Variants in CDH23 observed in about 807,000 individuals in gnomAD.
CDH23 encodes cadherin-23.
A neutral mutation model predicts 317.1 loss-of-function variants in CDH23; 189 were observed. That is an observed-to-expected ratio of 0.60 (90% CI 0.53 to 0.67). The LOEUF (loss-of-function observed/expected upper bound fraction) is 0.67, where lower values mean the gene tolerates loss of function less well. CDH23 is among the 30% of genes least tolerant of loss of function. The pLI, the probability that CDH23 is intolerant of heterozygous loss-of-function variation, is 0.00. For missense variants in CDH23, 4,401 were observed against 4,592.4 expected (o/e 0.96, Z 1.20); for synonymous variants, 1,839 against 1,876.8 (o/e 0.98, Z 0.52).
intron 9 of CDH23, among the ~76,000 whole-genome samples, chr10:71,609,995 T>TGTGTGTGAGAGA (rs3222215): frequency 2.1e-5 from 3 of 140,822 alleles, no homozygotes; most frequent in Admixed American, 7.0e-5. Flanking sequence ...TGTGTGTGTG[T>TGTGTGTGAGAGA]GAGAGAGACA....
chr10:71,523,349 C>T (rs1156895316), intron 6 of CDH23, among the ~76,000 whole-genome samples: 1 of 152,166 alleles, frequency 6.6e-6, no homozygotes, highest in Non-Finnish European at 1.5e-5. Context: ...ATAAATTCTT[C>T]TAAAGCATTG....
chr10:71,807,676 G>C lies in CDH23; in HGVS notation c.8469G>C (p.Leu2823=). Residue 2823 remains leucine (L), a synonymous_variant, in exon 59 of 70, where the codon CTG becomes CTC. Coordinates refer to ENST00000224721, the MANE Select transcript of CDH23 (RefSeq NM_022124.6). ...GTGGACCCTCCCCAACCCTCGACCTGGTTGCTGACCTCACACTGCAGGAGG... is the reference window on the plus strand; with the variant it reads ...GTGGACCCTCCCCAACCCTCGACCTCGTTGCTGACCTCACACTGCAGGAGG... ...PPRGPSPTLD[L]VADLTLQEVR... 1 of 1,613,864 alleles carries C rather than the reference G, an allele frequency of 6.2e-7. No homozygotes were observed. Among genetic ancestry groups the C allele is most frequent in the Non-Finnish European group, 8.5e-7 (1 of 1,179,822 alleles).
intron 28 of CDH23, among the ~76,000 whole-genome samples, chr10:71,721,758 C>G (rs1443156490): frequency 1.3e-5 from 2 of 152,218 alleles, no homozygotes; most frequent in Non-Finnish European, 2.9e-5. Flanking sequence ...TACTCCCTGT[C>G]CTGTGGAGGT....
chr10:71,615,435 C>A, intron 9 of CDH23, 69 bp from the exon 10 acceptor site: 1 of 1,045,128 alleles, frequency 9.6e-7, no homozygotes, highest in Admixed American at 1.8e-5. Context: ...GCTCCATGCC[C>A]CCCTGCCCCC....
chr10:71,680,671 C>A (rs1305993292), intron 17 of CDH23, among the ~76,000 whole-genome samples: 1 of 145,950 alleles, frequency 6.9e-6, no homozygotes, highest in African/African-American at 2.5e-5. Context: ...TCACTTGAAC[C>A]TGGGAGGCGG....
chr10:71,744,727 T>C (rs1839814581), intron 38 of CDH23, among the ~76,000 whole-genome samples: 1 of 152,180 alleles, frequency 6.6e-6, no homozygotes, highest in African/African-American at 2.4e-5. Context: ...TCACCAGCTC[T>C]GCTCCCTGAG....
intron 38 of CDH23, among the ~76,000 whole-genome samples, chr10:71,776,055 T>C (rs1480202838): frequency 6.6e-6 from 1 of 152,188 alleles, no homozygotes; most frequent in African/African-American, 2.4e-5. Flanking sequence ...CCAAACTCCC[T>C]GAGCTAGAAA....
intron 38 of CDH23, chr10:71,762,129 G>A: frequency 7.5e-7 from 1 of 1,333,236 alleles, no homozygotes; most frequent in Non-Finnish European, 1.0e-6. Context: ...CCCAGCCACA[G>A]GCCAGGGGCA....
chr10:71,790,837 G>C (rs1017763604), intron 46 of CDH23: 1 of 513,476 alleles, frequency 1.9e-6, no homozygotes, highest in Non-Finnish European at 3.5e-6. Flanking sequence ...AAGCACATCT[G>C]TCAACAGAGA....
At chr10:71,409,485 A>G (rs186101228) in intron 1 of CDH23, among the ~76,000 whole-genome samples, 156 of 152,274 alleles carry the variant, frequency 1.0e-3, no homozygotes, top group African/African-American at 3.6e-3. Flanking sequence ...GAGGATGGGG[A>G]GGCGCTAGAA....
chr10:71,546,286 C>G lies in CDH23; in HGVS notation c.430-20456C>G, dbSNP rs1856276010. 2.0e-5 allele frequency among the ~76,000 whole-genome samples: 3 copies of G among 152,206 alleles called. No individual in the cohort carries two copies. The South Asian group carries it at 6.2e-4, about 32-fold the overall frequency. On this transcript the variant is annotated intron_variant, in intron 6 of 69. Transcript: ENST00000224721. ...TCTCTACCTTTAGAGCTTGTGGAGACATTCGTAAAAGAAACAGAGGCATTT... is the reference window on the plus strand; with the variant it reads ...TCTCTACCTTTAGAGCTTGTGGAGAGATTCGTAAAAGAAACAGAGGCATTT...
At chr10:71,532,705 G>GTTTTTTT (rs1564636223) in intron 6 of CDH23, among the ~76,000 whole-genome samples, 1 of 59,688 alleles carries the variant, frequency 1.7e-5, no homozygotes. Context: ...GTTTTCTTTT[G>GTTTTTTT]TTTTTGTTTT....
At chr10:71,659,723 C>T (rs1221344129) in intron 14 of CDH23, among the ~76,000 whole-genome samples, 1 of 152,178 alleles carries the variant, frequency 6.6e-6, no homozygotes, top group Non-Finnish European at 1.5e-5. Flanking sequence ...CCATGAACGA[C>T]TAGATTGATT....
chr10:71,674,166 T>C (rs1428325143), intron 14 of CDH23, among the ~76,000 whole-genome samples: 1 of 152,352 alleles, frequency 6.6e-6, no homozygotes, highest in East Asian at 1.9e-4. Flanking sequence ...TAAACTTTTT[T>C]TCATTTCATT....
intron 11 of CDH23, among the ~76,000 whole-genome samples, chr10:71,641,868 C>T (rs767851049): frequency 2.6e-5 from 4 of 152,132 alleles, no homozygotes; most frequent in Non-Finnish European, 5.9e-5. Flanking sequence ...CATTTGAGGT[C>T]AGGAGTTTGA....
At chr10:71,677,224 A>G (rs1219556265) in intron 15 of CDH23, among the ~76,000 whole-genome samples, 4 of 152,128 alleles carry the variant, frequency 2.6e-5, no homozygotes, top group Admixed American at 6.5e-5. Context: ...CTCCTTGCTT[A>G]AATCAGGCAA....
intron 3 of CDH23, among the ~76,000 whole-genome samples, chr10:71,471,785 A>G (rs986908714): frequency 1.3e-5 from 2 of 150,580 alleles, no homozygotes; most frequent in African/African-American, 4.9e-5. Flanking sequence ...CTTTTCCTTC[A>G]TGCATCTCAA....
intron 11 of CDH23, among the ~76,000 whole-genome samples, chr10:71,627,484 C>T (rs563251577): frequency 2.6e-5 from 4 of 152,298 alleles, no homozygotes; most frequent in African/African-American, 9.6e-5. Context: ...AGAGGGTGGC[C>T]TCTGCCATGA....
At chr10:71,438,347 C>CAAAAA (rs10596696) in intron 1 of CDH23, among the ~76,000 whole-genome samples, 60 of 98,240 alleles carry the variant, frequency 6.1e-4, no homozygotes, top group South Asian at 9.7e-4. Flanking sequence ...CTGTCTCAAA[C>CAAAAA]AAAAAAAAAA....
Sources: allele counts gnomAD v4.1 joint callset (sites outside exome capture counted in the v4.1 genomes callset), GRCh38; gene constraint gnomAD v4.1.1; transcripts MANE v1.5; gene names NCBI Gene and HGNC (gene_info 2026-07-23, HGNC 2026-07-21).